Variants in CHP1 observed in about 807,000 individuals in gnomAD.
The protein encoded by CHP1 is calcineurin like EF-hand protein 1, also known as calcineurin B homologous protein 1.
Under a neutral mutation model 27.4 loss-of-function variants are expected in CHP1, and 11 were observed. The observed-to-expected ratio is 0.40, with a 90% CI of 0.25 to 0.67. The LOEUF (loss-of-function observed/expected upper bound fraction) is 0.67. CHP1 is among the 30% of genes least tolerant of loss of function. The pLI is 0.38. For synonymous variants in CHP1, 89 were observed against 87.4 expected (o/e 1.02, Z -0.10); for missense variants, 169 against 251.3 (o/e 0.67, Z 2.22).
At chr15:41,256,104 C>T (rs1360273337) in intron 2 of CHP1, among the ~76,000 whole-genome samples, 1 of 152,138 alleles carries the variant, frequency 6.6e-6, no homozygotes, top group Non-Finnish European at 1.5e-5. Flanking sequence ...AATCACAGTT[C>T]TGCTACTTAG....
rs1361654546 is a variant in CHP1, at chr15:41,262,804, C to T, written c.270C>T (p.Phe90=). Residue 90 remains phenylalanine (F), a synonymous_variant, in exon 4 of 7, where the codon TTC becomes TTT. Coordinates refer to ENST00000334660, the MANE Select transcript of CHP1 (RefSeq NM_007236.5). ...GATTCATGCGAACTTTGGCTCATTT[C>T]CGCCCCATTGAGGATAATGAAAAGA... ...FRGFMRTLAH[F]RPIEDNEKSK... 4 of 1,613,556 alleles carry T rather than the reference C, an allele frequency of 2.5e-6. No individual in the cohort carries two copies. Among genetic ancestry groups the T allele is most frequent in the East Asian group, 4.5e-5 (2 of 44,900 alleles).
At chr15:41,247,980 TAAATAAATA>T (rs2047344763) in intron 2 of CHP1, among the ~76,000 whole-genome samples, 2 of 141,012 alleles carry the variant, frequency 1.4e-5, no homozygotes, top group Non-Finnish European at 3.1e-5. Flanking sequence ...AATAAAAAAA[TAAATAAATA>T]AAATAAATAA....
At position 41,238,845 on chromosome 15, in the gene CHP1, C is replaced by T. The variant is rs143497321; in HGVS notation, c.68-4822C>T. Among the ~76,000 whole-genome samples, 499 of 152,174 alleles carry T rather than the reference C, an allele frequency of 3.3e-3. 1 individual carries two copies. Among genetic ancestry groups the T allele is most frequent in the Middle Eastern group, 0.01 (3 of 292 alleles). ...CCATCCTGGGTGACAAAGCAAGCCT[C>T]CATCTCAAAAAAAGAAAAAAGACAC... is the stretch of plus-strand genomic sequence containing the variant. On this transcript the variant is annotated intron_variant, in intron 1 of 6. Coordinates refer to ENST00000334660, the MANE Select transcript of CHP1 (RefSeq NM_007236.5).
chr15:41,273,299 T>C (rs1203596292), intron 5 of CHP1, among the ~76,000 whole-genome samples: 2 of 152,178 alleles, frequency 1.3e-5, no homozygotes, highest in African/African-American at 4.8e-5. Flanking sequence ...ACCAACACTT[T>C]AAAGAAGAAA....
intron 5 of CHP1, 86 bp downstream of exon 5, chr15:41,270,704 AT>A: frequency 9.7e-7 from 1 of 1,027,104 alleles, no homozygotes; most frequent in Non-Finnish European, 1.5e-6. Context: ...TTTAGTAAGC[AT>A]TTATTTAATA....
Position 41,232,125 on chromosome 15 carries a change from C to T in CHP1, c.67+676C>T, listed in dbSNP as rs138234238. 7.0e-4 allele frequency among the ~76,000 whole-genome samples: 106 copies of T among 151,866 alleles called. 3 individuals are homozygous for T. Among genetic ancestry groups the T allele is most frequent in the Middle Eastern group, 3.4e-3 (1 of 292 alleles). On this transcript the variant is annotated intron_variant, in intron 1 of 6. Transcript: ENST00000334660. ...CCTAATCTCATATATGTATTGATTT[C>T]TACTATGCTGGTGTACTTTTTTATT...
In CHP1 at chr15:41,262,818, A is replaced by T. The variant is rs996721521; in HGVS notation, c.284A>T (p.Asp95Val). The T allele has an allele frequency of 1.2e-6, 2 of 1,614,028 alleles. No homozygotes were observed. Among genetic ancestry groups the T allele is most frequent in the East Asian group, 2.2e-5 (1 of 44,886 alleles). The change falls in exon 4 of 7, where the codon GAT becomes GTT. Residue 95 changes from aspartate (D) to valine (V), a missense_variant. Physicochemically the swap from Asp to Val is radical, Grantham distance 152 (BLOSUM62 -3). Transcript: ENST00000334660. ...RTLAHFRPIE[D>V]NEKSKDVNGP... ...TTGGCTCATTTCCGCCCCATTGAGGATAATGAAAAGAGCAAAGATGTGAAT... is the reference window on the plus strand; with the variant it reads ...TTGGCTCATTTCCGCCCCATTGAGGTTAATGAAAAGAGCAAAGATGTGAAT...
chr15:41,234,879 T>C (rs547184663), intron 1 of CHP1, among the ~76,000 whole-genome samples: 23 of 152,286 alleles, frequency 1.5e-4, no homozygotes, highest in African/African-American at 5.5e-4. Flanking sequence ...GGCTATATCA[T>C]TGGGGAGGTG....
intron 1 of CHP1, 65 bp downstream of exon 1, chr15:41,231,514 G>A: frequency 6.7e-7 from 1 of 1,490,228 alleles, no homozygotes; most frequent in Non-Finnish European, 9.2e-7. Flanking sequence ...AAGGGCGGCT[G>A]TCGCTAAGGT....
chr15:41,241,035 T>G (rs886779280), intron 1 of CHP1, among the ~76,000 whole-genome samples: 2 of 152,124 alleles, frequency 1.3e-5, no homozygotes, highest in Non-Finnish European at 1.5e-5. Flanking sequence ...GTATTTTTAG[T>G]AGAGACGAGG....
chr15:41,276,031 G>A (rs1407350657), intron 5 of CHP1, among the ~76,000 whole-genome samples: 4 of 151,946 alleles, frequency 2.6e-5, no homozygotes, highest in South Asian at 4.2e-4. Context: ...ACCTGAGGTC[G>A]GGAGTTCGAG....
chr15:41,243,702 T>C lies in CHP1; in HGVS notation c.103T>C (p.Phe35Leu). 1 of 1,614,102 alleles carries C rather than the reference T, an allele frequency of 6.2e-7. No homozygotes were observed. The highest frequency in any genetic ancestry group is 8.5e-7 in the Non-Finnish European group (1 of 1,180,002). The change falls in exon 2 of 7, where the codon TTC (phenylalanine) becomes CTC (leucine). Residue 35 changes from phenylalanine to leucine, a missense_variant. By Grantham distance (22) the Phe-to-Leu change is conservative. Coordinates refer to ENST00000334660, the MANE Select transcript of CHP1 (RefSeq NM_007236.5). ...TCAAATCACTCGCCTCTACAGCCGG[T>C]TCACCAGCCTGGACAAAGGAGAGAA... ...HSQITRLYSR[F>L]TSLDKGENGT...
intron 1 of CHP1, among the ~76,000 whole-genome samples, chr15:41,242,953 G>GA (rs2047314400): frequency 6.9e-6 from 1 of 144,128 alleles, no homozygotes. Context: ...CAGAAAAAAA[G>GA]AAAAAAGTAA....
intron 2 of CHP1, 83 bp from the exon 3 acceptor site, chr15:41,256,827 G>A (rs1166435896): frequency 3.6e-6 from 4 of 1,097,228 alleles, no homozygotes; most frequent in Non-Finnish European, 5.6e-6. Flanking sequence ...TTCTTGCTAG[G>A]TTACACCCTG....
At chr15:41,259,499 C>T (rs1286816724) in intron 3 of CHP1, among the ~76,000 whole-genome samples, 2 of 143,272 alleles carry the variant, frequency 1.4e-5, no homozygotes, top group African/African-American at 5.1e-5. Context: ...GTTTTTCTTT[C>T]TTCCCTAGGC....
chr15:41,232,464 G>T (rs527488893), intron 1 of CHP1, among the ~76,000 whole-genome samples: 1 of 151,954 alleles, frequency 6.6e-6, no homozygotes, highest in African/African-American at 2.4e-5. Context: ...ACCCACCTCG[G>T]CCTCCCAAAG....
At chr15:41,269,006 T>C (rs1471548060) in intron 4 of CHP1, among the ~76,000 whole-genome samples, 1 of 151,450 alleles carries the variant, frequency 6.6e-6, no homozygotes, top group Non-Finnish European at 1.5e-5. Context: ...ACCTTGCACC[T>C]TTCACCAGCC....
intron 2 of CHP1, among the ~76,000 whole-genome samples, chr15:41,246,895 T>A (rs1377195148): frequency 6.8e-6 from 1 of 146,660 alleles, no homozygotes; most frequent in Non-Finnish European, 1.5e-5. Context: ...CTCAAAAAAT[T>A]AAAAAAAAGC....
At chr15:41,271,801 G>A (rs2047491127) in intron 5 of CHP1, among the ~76,000 whole-genome samples, 1 of 152,238 alleles carries the variant, frequency 6.6e-6, no homozygotes. Context: ...CTTCAGGTCA[G>A]TGTTAGCGTC....
Sources: allele counts gnomAD v4.1 joint callset (sites outside exome capture counted in the v4.1 genomes callset), GRCh38; gene constraint gnomAD v4.1.1; transcripts MANE v1.5; gene names NCBI Gene and HGNC (gene_info 2026-07-23, HGNC 2026-07-21).